Variants in SERPINB10 observed in about 807,000 individuals in gnomAD.
SERPINB10 encodes the protein serpin B10.
SERPINB10 carries 35 observed loss-of-function variants against 39.1 expected under a neutral mutation model. The ratio of observed to expected loss-of-function variants is 0.90; its 90% confidence interval spans 0.68 to 1.19. The LOEUF is 1.19. SERPINB10 is among the 50% of genes most tolerant of loss of function. The pLI is 0.00. For synonymous variants in SERPINB10, 190 were observed against 158.1 expected (o/e 1.20, Z -1.52); for missense variants, 546 against 460.5 (o/e 1.19, Z -1.70).
At chr18:63,909,725 T>A (rs1174756594) in intron 1 of SERPINB10, among the ~76,000 whole-genome samples, 1 of 152,056 alleles carries the variant, frequency 6.6e-6, no homozygotes, top group Non-Finnish European at 1.5e-5. Flanking sequence ...AAACCAAACA[T>A]TTTCCGTGTA....
chr18:63,918,054 T>C lies in SERPINB10; in HGVS notation c.324T>C (p.Leu108=). ...EILKPNDDYL[L]KTANAIYGEK... ...TCAAGCCCAACGATGACTACTTACT[T>C]AAAACAGCCAATGCGATATATGGAG... The change falls in exon 4 of 8, where the codon CTT becomes CTC. Residue 108 remains leucine, a synonymous_variant. Transcript: ENST00000238508. The C allele has an allele frequency of 6.2e-7, 1 of 1,612,506 alleles. No homozygotes were observed. Among genetic ancestry groups the C allele is most frequent in the Non-Finnish European group, 8.5e-7 (1 of 1,179,072 alleles).
At position 63,919,838 on chromosome 18, in the gene SERPINB10, T is replaced by G. The variant is rs750763964; in HGVS notation, c.423T>G (p.Val141=). 1.1e-5 allele frequency: 18 copies of G among 1,609,922 alleles called. No individual in the cohort carries two copies. Among genetic ancestry groups the G allele is most frequent in the Non-Finnish European group, 1.5e-5 (18 of 1,178,024 alleles). ...KTYFGAEPQP[V]NFVEASDQIR... ...ATTTTGGTGCAGAACCTCAGCCTGT[T>G]AACTTTGTGGAAGCTTCTGATCAAA... The change falls in exon 5 of 8, where the codon GTT becomes GTG. Residue 141 remains valine (V), a synonymous_variant. Coordinates refer to ENST00000238508, the MANE Select transcript of SERPINB10 (RefSeq NM_005024.3).
intron 1 of SERPINB10, among the ~76,000 whole-genome samples, chr18:63,913,380 G>T (rs1047009352): frequency 6.6e-6 from 1 of 151,838 alleles, no homozygotes; most frequent in Non-Finnish European, 1.5e-5. Context: ...TAGTTAATAT[G>T]AAATATTTCT....
At chr18:63,911,882 A>G (rs905519014) in intron 1 of SERPINB10, among the ~76,000 whole-genome samples, 1 of 152,018 alleles carries the variant, frequency 6.6e-6, no homozygotes, top group Non-Finnish European at 1.5e-5. Context: ...GGCCATTTTA[A>G]CAATACTGAT....
intron 5 of SERPINB10, among the ~76,000 whole-genome samples, chr18:63,921,317 C>T (rs1023987963): frequency 2.6e-5 from 4 of 151,858 alleles, no homozygotes; most frequent in Non-Finnish European, 4.4e-5. Flanking sequence ...TGCCAAGGGT[C>T]CCATGCATTT....
At chr18:63,919,658 G>C (rs1257145745) in intron 4 of SERPINB10, 130 bp from the exon 5 acceptor site, 1 of 578,708 alleles carries the variant, frequency 1.7e-6, no homozygotes, top group Admixed American at 3.0e-5. Flanking sequence ...AGTCAGGAAA[G>C]AGAGGATGGA....
At chr18:63,910,949 A>T (rs1332261106) in intron 1 of SERPINB10, among the ~76,000 whole-genome samples, 1 of 152,004 alleles carries the variant, frequency 6.6e-6, no homozygotes, top group Non-Finnish European at 1.5e-5. Flanking sequence ...CAGCGTCATC[A>T]GCATCTCTTG....
rs527753472 is a variant in SERPINB10, at chr18:63,931,762, A to G, written c.634-1286A>G. On this transcript the variant is annotated intron_variant, in intron 6 of 7. Coordinates refer to ENST00000238508, the MANE Select transcript of SERPINB10 (RefSeq NM_005024.3). ...ATTGATGATCTAATATTGATACATC[A>G]TTATTAACTAAAATCTATAGTTTAC... 1.7e-4 allele frequency among the ~76,000 whole-genome samples: 26 copies of G among 152,314 alleles called. No individual in the cohort carries two copies. In the East Asian group the frequency reaches 5.0e-3, roughly 29 times the overall value.
chr18:63,911,769 T>C (rs2050066370), intron 1 of SERPINB10, among the ~76,000 whole-genome samples: 1 of 149,840 alleles, frequency 6.7e-6, no homozygotes, highest in Non-Finnish European at 1.5e-5. Context: ...GGCTCTTTTC[T>C]TGTTCCATAT....
chr18:63,926,342 T>C (rs2050181562), intron 5 of SERPINB10, among the ~76,000 whole-genome samples: 1 of 151,672 alleles, frequency 6.6e-6, no homozygotes, highest in Non-Finnish European at 1.5e-5. Context: ...ATGTCCAAAT[T>C]CCCCCCTCCT....
At chr18:63,929,712 C>CAAAAAAAA (rs74169990) in intron 5 of SERPINB10, among the ~76,000 whole-genome samples, 22 of 97,318 alleles carry the variant, frequency 2.3e-4, no homozygotes, top group South Asian at 7.6e-4. Context: ...AGCTAAAGTG[C>CAAAAAAAA]AAAAAAAAAA....
At chr18:63,911,226 T>C (rs1007615577) in intron 1 of SERPINB10, among the ~76,000 whole-genome samples, 1 of 152,134 alleles carries the variant, frequency 6.6e-6, no homozygotes, top group Non-Finnish European at 1.5e-5. Flanking sequence ...TCTTCCATTC[T>C]GTAGTTGTCT....
chr18:63,932,237 T>C (rs1322394373), intron 6 of SERPINB10, among the ~76,000 whole-genome samples: 2 of 152,218 alleles, frequency 1.3e-5, no homozygotes, highest in African/African-American at 4.8e-5. Flanking sequence ...AGTTTTTCTG[T>C]GGACACTGTT....
At chr18:63,911,079 T>C (rs2050060980) in intron 1 of SERPINB10, among the ~76,000 whole-genome samples, 2 of 152,050 alleles carry the variant, frequency 1.3e-5, no homozygotes, top group Non-Finnish European at 2.9e-5. Context: ...TGTTGCCCAC[T>C]TGTATGTCTT....
intron 1 of SERPINB10, among the ~76,000 whole-genome samples, chr18:63,915,279 A>G (rs902004364): frequency 6.6e-6 from 1 of 152,076 alleles, no homozygotes. Flanking sequence ...TTTATTCTCT[A>G]ATGCACATTA....
In SERPINB10 at chr18:63,935,127, A is replaced by C; in HGVS notation, c.1079A>C (p.Asp360Ala). Reference protein sequence around the residue: ...EAAAGSGSEIDIRIRVPSIEF... With the variant: ...EAAAGSGSEIAIRIRVPSIEF... ...GCAGCTGGCAGTGGGAGTGAGATAG[A>C]TATACGAATTAGAGTCCCATCCATT... Residue 360 changes from aspartate (D) to alanine (A), a missense_variant, in exon 8 of 8, where the codon GAT becomes GCT. Coordinates refer to ENST00000238508, the MANE Select transcript of SERPINB10 (RefSeq NM_005024.3). 6.2e-7 allele frequency: 1 copy of C among 1,613,800 alleles called. No homozygotes were observed. The highest frequency in any genetic ancestry group is 1.3e-5 in the African/African-American group (1 of 75,060).
intron 7 of SERPINB10, among the ~76,000 whole-genome samples, chr18:63,933,824 G>A (rs764673809): frequency 6.6e-6 from 1 of 152,142 alleles, no homozygotes; most frequent in Non-Finnish European, 1.5e-5. Flanking sequence ...TGCCTAAACT[G>A]AACATGAGTC....
chr18:63,916,773 G>A (rs1393096295), intron 2 of SERPINB10, among the ~76,000 whole-genome samples: 3 of 151,998 alleles, frequency 2.0e-5, no homozygotes, highest in Admixed American at 6.6e-5. Context: ...TGAATTAACT[G>A]TGCACCCCTT....
intron 1 of SERPINB10, among the ~76,000 whole-genome samples, chr18:63,913,957 G>T (rs970508265): frequency 2.1e-3 from 5 of 2,328 alleles, no homozygotes; most frequent in African/African-American, 7.3e-3. Flanking sequence ...GTGCATATAC[G>T]TTTAGTATAG....
Sources: allele counts gnomAD v4.1 joint callset (sites outside exome capture counted in the v4.1 genomes callset), GRCh38; gene constraint gnomAD v4.1.1; transcripts MANE v1.5; gene names NCBI Gene and HGNC (gene_info 2026-07-23, HGNC 2026-07-21).